TAFA5: variants seen among roughly 807,000 people sequenced by gnomAD.
TAFA5 encodes TAFA chemokine like family member 5, also known as chemokine-like protein TAFA-5.
TAFA5 carries 6 observed loss-of-function variants against 15.3 expected under a neutral mutation model. That is an observed-to-expected ratio of 0.39 (90% confidence interval 0.21 to 0.77). The LOEUF (loss-of-function observed/expected upper bound fraction) is 0.77, where lower values mean the gene tolerates loss of function less well. Ranked by LOEUF, TAFA5 falls within the 30% of genes least tolerant of loss-of-function variation. The pLI is 0.41. For missense variants in TAFA5, 161 were observed against 193.1 expected (o/e 0.83, Z 0.98); for synonymous variants, 103 against 80.7 (o/e 1.28, Z -1.48).
At chr22:48,714,305 C>A (rs144786505) in intron 3 of TAFA5, among the ~76,000 whole-genome samples, 2 of 152,336 alleles carry the variant, frequency 1.3e-5, no homozygotes, top group East Asian at 3.9e-4. Flanking sequence ...CAAGACAGGT[C>A]TGGAAGGATG....
intron 1 of TAFA5, among the ~76,000 whole-genome samples, chr22:48,513,763 G>T (rs778939843): frequency 2.0e-5 from 3 of 152,172 alleles, no homozygotes; most frequent in Non-Finnish European, 4.4e-5. Context: ...GGGCCACTTT[G>T]GTCTCCTCGG....
intron 1 of TAFA5, among the ~76,000 whole-genome samples, chr22:48,536,584 T>C (rs1258907177): frequency 6.6e-6 from 1 of 152,252 alleles, no homozygotes; most frequent in Non-Finnish European, 1.5e-5. Flanking sequence ...GACTCCAACC[T>C]GGTTATCAAA....
At chr22:48,648,394 C>CCA (rs1285062684) in intron 2 of TAFA5, among the ~76,000 whole-genome samples, 1 of 152,156 alleles carries the variant, frequency 6.6e-6, no homozygotes, top group Non-Finnish European at 1.5e-5. Flanking sequence ...GCAGCCTTGC[C>CCA]CGTGTGCTGT....
At chr22:48,603,202 C>T (rs1428813237) in intron 1 of TAFA5, among the ~76,000 whole-genome samples, 3 of 152,256 alleles carry the variant, frequency 2.0e-5, no homozygotes, top group Non-Finnish European at 2.9e-5. Context: ...GGGCCCTCTC[C>T]TCCTGTCTCC....
chr22:48,595,170 T>G (rs1156703258), intron 1 of TAFA5, among the ~76,000 whole-genome samples: 2 of 152,290 alleles, frequency 1.3e-5, no homozygotes, highest in Admixed American at 1.3e-4. Context: ...CATGCCCCAA[T>G]TGGGGCCCGC....
chr22:48,540,057 G>A (rs1055376992), intron 1 of TAFA5, among the ~76,000 whole-genome samples: 1 of 152,208 alleles, frequency 6.6e-6, no homozygotes, highest in Non-Finnish European at 1.5e-5. Context: ...GGAGCAGCCG[G>A]GTAAAAGCCG....
At chr22:48,529,190 G>A (rs1421122613) in intron 1 of TAFA5, among the ~76,000 whole-genome samples, 1 of 150,952 alleles carries the variant, frequency 6.6e-6, no homozygotes, top group Non-Finnish European at 1.5e-5. Flanking sequence ...GGAGATGAGG[G>A]TGTCCAGGCA....
chr22:48,614,777 C>T (rs923242166), intron 1 of TAFA5, among the ~76,000 whole-genome samples: 4 of 152,196 alleles, frequency 2.6e-5, no homozygotes, highest in Admixed American at 2.0e-4. Context: ...TCGTTCACAC[C>T]TTCTGTGCCG....
At chr22:48,534,325 ATAGG>A (rs1417044415) in intron 1 of TAFA5, among the ~76,000 whole-genome samples, 5 of 151,722 alleles carry the variant, frequency 3.3e-5, no homozygotes, top group Non-Finnish European at 5.9e-5. Context: ...ATGAGGGCTG[ATAGG>A]TAGGTGAGGG....
At chr22:48,564,214 C>T (rs920610024) in intron 1 of TAFA5, among the ~76,000 whole-genome samples, 20 of 152,336 alleles carry the variant, frequency 1.3e-4, no homozygotes, top group Non-Finnish European at 2.6e-4. Flanking sequence ...CGTTACTCAG[C>T]GCCCGCAGCC....
chr22:48,724,919 A>C (rs904010926), intron 3 of TAFA5, among the ~76,000 whole-genome samples: 3 of 152,218 alleles, frequency 2.0e-5, no homozygotes, highest in African/African-American at 7.2e-5. Context: ...AGTTTCACAG[A>C]AGAGGCACAG....
chr22:48,677,801 C>G (rs977725441), intron 2 of TAFA5, among the ~76,000 whole-genome samples: 1 of 152,138 alleles, frequency 6.6e-6, no homozygotes, highest in African/African-American at 2.4e-5. Context: ...GACAGGCCAC[C>G]CAAGCACAGC....
chr22:48,534,159 G>A (rs1422329128), intron 1 of TAFA5, among the ~76,000 whole-genome samples: 1 of 150,804 alleles, frequency 6.6e-6, no homozygotes, highest in South Asian at 2.1e-4. Context: ...AGGCAGGTGA[G>A]GGGGGCCAGG....
At chr22:48,503,761 G>A (rs1218983504) in intron 1 of TAFA5, among the ~76,000 whole-genome samples, 2 of 152,238 alleles carry the variant, frequency 1.3e-5, no homozygotes, top group Admixed American at 6.5e-5. Flanking sequence ...GAACACGGGA[G>A]AAGCTCTAAA....
rs1601835815 is a variant in TAFA5 at position 48,500,556 on chromosome 22, G to A, written c.112+10852G>A. On this transcript the variant is annotated intron_variant, in intron 1 of 3. Coordinates refer to ENST00000402357, the MANE Select transcript of TAFA5 (RefSeq NM_001082967.3). ...CGATGCTGCTGAGGAGGAAGGGGGT[G>A]TGGAAGGCGCCGGGCCCGCAGGCGG... is the stretch of plus-strand genomic sequence containing the variant. Among the ~76,000 whole-genome samples the A allele has an allele frequency of 2.0e-5, 3 of 152,378 alleles. No homozygotes were observed. In the South Asian group the frequency reaches 6.2e-4, roughly 32 times the overall value.
intron 1 of TAFA5, among the ~76,000 whole-genome samples, chr22:48,637,339 C>T (rs1259024215): frequency 2.6e-5 from 4 of 151,624 alleles, no homozygotes; most frequent in Non-Finnish European, 4.4e-5. Flanking sequence ...CACACATGTG[C>T]CCATGGCAGG....
chr22:48,561,773 CGTT>C (rs1170453581), intron 1 of TAFA5, among the ~76,000 whole-genome samples: 1 of 152,232 alleles, frequency 6.6e-6, no homozygotes, highest in Non-Finnish European at 1.5e-5. Context: ...TGGGAGCAGA[CGTT>C]GAGTCACTGA....
At chr22:48,527,654 G>A (rs960990423) in intron 1 of TAFA5, among the ~76,000 whole-genome samples, 2 of 152,184 alleles carry the variant, frequency 1.3e-5, no homozygotes, top group African/African-American at 4.8e-5. Context: ...GCACCTGTTG[G>A]AAGCCCTGTG....
In TAFA5 at chr22:48,591,874, G is replaced by T. The variant is rs184131553; in HGVS notation, c.113-54723G>T. On this transcript the variant is annotated intron_variant, in intron 1 of 3. Coordinates refer to ENST00000402357, the MANE Select transcript of TAFA5 (RefSeq NM_001082967.3). ...CCCACGGAGTCTCCCTCTCAGGGCA[G>T]CCAGCATCCCGGGCGCCTGGGCCCG... 1.4e-4 allele frequency among the ~76,000 whole-genome samples: 22 copies of T among 152,326 alleles called. No individual in the cohort carries two copies. In the East Asian group the frequency reaches 3.3e-3, roughly 23 times the overall value.
Sources: allele counts gnomAD v4.1 joint callset (sites outside exome capture counted in the v4.1 genomes callset), GRCh38; gene constraint gnomAD v4.1.1; transcripts MANE v1.5; gene names NCBI Gene and HGNC (gene_info 2026-07-23, HGNC 2026-07-21).